Variants in AGBL3 observed in about 807,000 individuals in gnomAD.
The protein encoded by AGBL3 is AGBL carboxypeptidase 3, also known as cytosolic carboxypeptidase 3.
Under a neutral mutation model 94.5 loss-of-function variants are expected in AGBL3, and 68 were observed. The ratio of observed to expected loss-of-function variants is 0.72; its 90% CI spans 0.59 to 0.88. The LOEUF is 0.88. AGBL3 is among the 40% of genes least tolerant of loss of function. The pLI is 0.00. For synonymous variants in AGBL3, 354 were observed against 370.7 expected, an observed-to-expected ratio of 0.95 and a Z score of 0.52; for missense variants, 934 against 1,103.8, an observed-to-expected ratio of 0.85 and a Z score of 2.18.
In AGBL3 at chr7:135,056,968, A is replaced by G. The variant is rs1818393949; in HGVS notation, c.1842-2201A>G. 2.0e-5 allele frequency among the ~76,000 whole-genome samples: 3 copies of G among 152,272 alleles called. 1 individual carries two copies. The South Asian group carries it at 6.2e-4, about 32-fold the overall frequency. On this transcript the variant is annotated intron_variant, in intron 11 of 16. Coordinates refer to ENST00000436302, the MANE Select transcript of AGBL3 (RefSeq NM_178563.4). ...GGACAAAAATCCAAGGACCTACACT[A>G]CTTGACTTTAAGACTTACTATAAAG...
chr7:135,026,870 A>G (rs950443565), intron 5 of AGBL3, among the ~76,000 whole-genome samples: 8 of 151,512 alleles, frequency 5.3e-5, no homozygotes, highest in Non-Finnish European at 1.0e-4. Flanking sequence ...GTTTGGCTCT[A>G]TCTTATTAAT....
At chr7:135,017,730 A>G (rs1283350671) in intron 5 of AGBL3, among the ~76,000 whole-genome samples, 1 of 152,288 alleles carries the variant, frequency 6.6e-6, no homozygotes, top group East Asian at 1.9e-4. Context: ...TATATTAAAG[A>G]TAACTTCCAG....
chr7:135,034,928 G>T lies in AGBL3; in HGVS notation c.1337G>T (p.Arg446Ile). Reference protein sequence around the residue: ...SVWYTRNMVHRLMEKREVILY... With the variant: ...SVWYTRNMVHILMEKREVILY... ...TGGTATACCCGGAACATGGTTCATA[G>T]GTAAAATAAGCCTCAAATTACCTCT... is the stretch of plus-strand genomic sequence containing the variant. Residue 446 changes from arginine to isoleucine, a missense_variant and splice_region_variant, in exon 7 of 17, where the codon AGA becomes ATA. By Grantham distance (97) the Arg-to-Ile change is moderately conservative (BLOSUM62 -3). Around this residue, in one of 3 missense-constraint regions of AGBL3, gnomAD observed 488 missense variants for 563.6 expected, o/e 0.87. Coordinates refer to ENST00000436302, the MANE Select transcript of AGBL3 (RefSeq NM_178563.4). The T allele has an allele frequency of 6.7e-7, 1 of 1,484,282 alleles. No homozygotes were observed. The highest frequency in any genetic ancestry group is 1.4e-5 in the South Asian group (1 of 70,528). 91.9% of individuals were successfully genotyped at this position (1,484,282 alleles called of 1,614,324 possible). A position where few individuals can be genotyped will look rare whatever the true frequency, so the allele number is the denominator to read the frequency against.
intron 16 of AGBL3, among the ~76,000 whole-genome samples, chr7:135,126,328 C>T (rs187937925): frequency 1.7e-3 from 259 of 152,264 alleles, no homozygotes; most frequent in African/African-American, 6.1e-3. Context: ...AGGAATACAG[C>T]TAACAAGGGA....
intron 3 of AGBL3, among the ~76,000 whole-genome samples, chr7:134,993,218 G>T (rs1291193362): frequency 6.6e-6 from 1 of 152,160 alleles, no homozygotes; most frequent in East Asian, 1.9e-4. Flanking sequence ...TAGATGATTT[G>T]CTAGAAAAGC....
intron 4 of AGBL3, among the ~76,000 whole-genome samples, chr7:135,013,379 T>G (rs1330345387): frequency 6.6e-6 from 1 of 152,224 alleles, no homozygotes; most frequent in African/African-American, 2.4e-5. Context: ...AATATACATG[T>G]ATTCCCTGAC....
intron 8 of AGBL3, among the ~76,000 whole-genome samples, chr7:135,041,098 T>G (rs774022084): frequency 6.6e-6 from 1 of 152,164 alleles, no homozygotes; most frequent in Non-Finnish European, 1.5e-5. Context: ...TGCTGAAGCC[T>G]TAAAAATGCT....
Position 135,034,394 on chromosome 7 carries a change from A to G in AGBL3, c.803A>G (p.Asn268Ser). ...RIGDQIKYYRNNPGQDGRHYF... is the reference protein window; with the variant it reads ...RIGDQIKYYRSNPGQDGRHYF... ...GGAGACCAAATCAAGTATTATAGGA[A>G]CAACCCAGGCCAAGATGGGCGCCAT... Residue 268 changes from asparagine to serine, a missense_variant, in exon 7 of 17, where the codon AAC becomes AGC. Physicochemically the swap from Asn to Ser is conservative, Grantham distance 46. This residue lies in a region of AGBL3 where 488 missense variants were observed against 563.6 expected (regional missense o/e 0.87). Transcript: ENST00000436302. 1.9e-6 allele frequency: 3 copies of G among 1,551,706 alleles called. No homozygotes were observed. Among genetic ancestry groups the G allele is most frequent in the Non-Finnish European group, 1.7e-6 (2 of 1,146,980 alleles).
chr7:135,101,460 G>T (rs1477553419), intron 15 of AGBL3, among the ~76,000 whole-genome samples: 1 of 151,820 alleles, frequency 6.6e-6, no homozygotes, highest in Non-Finnish European at 1.5e-5. Context: ...TATATGAGTT[G>T]AATATAGAAG....
intron 5 of AGBL3, among the ~76,000 whole-genome samples, chr7:135,030,839 T>C (rs1173335161): frequency 6.6e-6 from 1 of 152,206 alleles, no homozygotes; most frequent in African/African-American, 2.4e-5. Flanking sequence ...TTAACTCTTC[T>C]TTTTAAAATT....
At chr7:135,030,967 G>C (rs1378621300) in intron 5 of AGBL3, among the ~76,000 whole-genome samples, 1 of 151,908 alleles carries the variant, frequency 6.6e-6, no homozygotes, top group Non-Finnish European at 1.5e-5. Context: ...AAATCTTTCA[G>C]TTATTGTAGT....
chr7:135,048,045 G>A (rs1240625662), intron 11 of AGBL3, among the ~76,000 whole-genome samples: 2 of 151,766 alleles, frequency 1.3e-5, no homozygotes, highest in African/African-American at 4.8e-5. Flanking sequence ...TTTTTATATA[G>A]TATCCAATTT....
At chr7:134,989,952 T>C (rs540777617) in intron 3 of AGBL3, among the ~76,000 whole-genome samples, 2 of 152,324 alleles carry the variant, frequency 1.3e-5, no homozygotes, top group South Asian at 4.1e-4. Flanking sequence ...TCTATACCCA[T>C]AGGCATAGAA....
intron 11 of AGBL3, among the ~76,000 whole-genome samples, chr7:135,055,721 T>C (rs1199255808): frequency 6.6e-6 from 1 of 152,186 alleles, no homozygotes; most frequent in Non-Finnish European, 1.5e-5. Flanking sequence ...GTGTAGTTTT[T>C]CTTTCTTACA....
chr7:135,068,785 C>A (rs1317402397), intron 12 of AGBL3, among the ~76,000 whole-genome samples: 1 of 152,162 alleles, frequency 6.6e-6, no homozygotes, highest in Non-Finnish European at 1.5e-5. Context: ...CAAAAACATG[C>A]CAAATTGTAA....
At chr7:135,067,642 C>A (rs1819472960) in intron 12 of AGBL3, among the ~76,000 whole-genome samples, 1 of 152,216 alleles carries the variant, frequency 6.6e-6, no homozygotes, top group Non-Finnish European at 1.5e-5. Flanking sequence ...CTGGAGTGGA[C>A]CTCCAGCAAA....
intron 4 of AGBL3, among the ~76,000 whole-genome samples, chr7:135,000,393 T>C (rs1225215951): frequency 1.3e-5 from 2 of 152,142 alleles, no homozygotes; most frequent in Non-Finnish European, 2.9e-5. Flanking sequence ...ATCCAATCTA[T>C]TGAGGGCCTG....
intron 4 of AGBL3, among the ~76,000 whole-genome samples, chr7:135,014,928 A>G (rs904330616): frequency 1.3e-5 from 2 of 152,232 alleles, no homozygotes; most frequent in Non-Finnish European, 2.9e-5. Context: ...ACTAGGAAAC[A>G]TATTTGCTAT....
intron 15 of AGBL3, among the ~76,000 whole-genome samples, chr7:135,114,737 C>T (rs1434495456): frequency 2.0e-5 from 3 of 152,206 alleles, no homozygotes; most frequent in Non-Finnish European, 4.4e-5. Context: ...CAAGAGATCT[C>T]CCTGTTTGTT....
Sources: allele counts gnomAD v4.1 joint callset (sites outside exome capture counted in the v4.1 genomes callset), GRCh38; gene constraint gnomAD v4.1.1; regional missense constraint gnomAD v4.1.1; transcripts MANE v1.5; gene names NCBI Gene and HGNC (gene_info 2026-07-23, HGNC 2026-07-21).